The following NLN variants were observed in gnomAD, a reference collection of about 807,000 sequenced individuals.
The protein encoded by NLN is neurolysin, mitochondrial.
A neutral mutation model predicts 79.9 loss-of-function variants in NLN; 64 were observed. That is an observed-to-expected ratio of 0.80 (90% CI 0.65 to 0.99). NLN has a LOEUF of 0.99. NLN is among the 50% of genes least tolerant of loss of function. The pLI is 0.00. For missense variants in NLN, 835 were observed against 858.7 expected (o/e 0.97, Z 0.34); for synonymous variants, 267 against 296.6 (o/e 0.90, Z 1.02).
intron 9 of NLN, among the ~76,000 whole-genome samples, chr5:65,799,772 A>G (rs1760243753): frequency 6.6e-6 from 1 of 152,228 alleles, no homozygotes; most frequent in South Asian, 2.1e-4. Flanking sequence ...CTGTTGAACT[A>G]TAGGGCAGTT....
intron 7 of NLN, among the ~76,000 whole-genome samples, chr5:65,786,685 A>G (rs1759930664): frequency 6.6e-6 from 1 of 151,980 alleles, no homozygotes; most frequent in South Asian, 2.1e-4. Context: ...AGAGACCCCA[A>G]CCCTGTCTCT....
intron 1 of NLN, among the ~76,000 whole-genome samples, chr5:65,735,973 A>T (rs1758719670): frequency 6.6e-6 from 1 of 152,240 alleles, no homozygotes; most frequent in Non-Finnish European, 1.5e-5. Flanking sequence ...AATGTAATGC[A>T]TATACGTATA....
At chr5:65,791,300 A>T (rs1296894809) in intron 8 of NLN, among the ~76,000 whole-genome samples, 10 of 152,018 alleles carry the variant, frequency 6.6e-5, no homozygotes, top group African/African-American at 2.4e-4. Flanking sequence ...ACTCACACCT[A>T]TAGTCCCAGC....
At chr5:65,812,806 C>G (rs754857951) in intron 12 of NLN, among the ~76,000 whole-genome samples, 2 of 152,174 alleles carry the variant, frequency 1.3e-5, no homozygotes, top group African/African-American at 4.8e-5. Flanking sequence ...TGTGCACTTT[C>G]TGTGGGAGAC....
chr5:65,737,524 G>A (rs1477485539), intron 1 of NLN, among the ~76,000 whole-genome samples: 5 of 151,918 alleles, frequency 3.3e-5, no homozygotes, highest in Non-Finnish European at 7.4e-5. Context: ...ATTACATAAG[G>A]GATGCAAAAT....
Position 65,776,799 on chromosome 5 carries a change from A to G in NLN, c.451-628A>G, listed in dbSNP as rs573548710. ...GCATATAGATTCAAATTTACTGTCCAGCTTTCCTCCACTTTGTGCAGTGCT... is the reference window on the plus strand; with the variant it reads ...GCATATAGATTCAAATTTACTGTCCGGCTTTCCTCCACTTTGTGCAGTGCT... On this transcript the variant is annotated intron_variant, in intron 3 of 12. Transcript: ENST00000380985. Among the ~76,000 whole-genome samples the G allele has an allele frequency of 1.9e-3, 294 of 152,294 alleles. 3 individuals carry two copies. Among genetic ancestry groups the G allele is most frequent in the African/African-American group, 7.0e-3 (291 of 41,556 alleles).
At chr5:65,749,476 C>T (rs544002944) in intron 1 of NLN, among the ~76,000 whole-genome samples, 3 of 152,220 alleles carry the variant, frequency 2.0e-5, no homozygotes, top group South Asian at 2.1e-4. Flanking sequence ...ACCAGGAATC[C>T]AGGTTACAGT....
At chr5:65,778,293 C>G (rs983619119) in intron 4 of NLN, among the ~76,000 whole-genome samples, 1 of 152,146 alleles carries the variant, frequency 6.6e-6, no homozygotes, top group Non-Finnish European at 1.5e-5. Context: ...TAACCTTTTT[C>G]TTCTTGGAAA....
chr5:65,806,555 A>G (rs1255152161), intron 9 of NLN, among the ~76,000 whole-genome samples: 1 of 152,216 alleles, frequency 6.6e-6, no homozygotes, highest in East Asian at 1.9e-4. Flanking sequence ...TGAAGATGTG[A>G]CTGAATTGCT....
chr5:65,763,364 A>G (rs1015914226), intron 3 of NLN, among the ~76,000 whole-genome samples: 3 of 152,364 alleles, frequency 2.0e-5, no homozygotes, highest in East Asian at 1.9e-4. Context: ...TAATAACATT[A>G]TGAACTTGAT....
Position 65,823,852 on chromosome 5 carries a change from A to G in NLN, c.*937A>G, listed in dbSNP as rs938634101. The stretch of plus-strand genomic sequence containing the variant: ...AGCCATGGGAAGAGAGAGGAGGTGG[A>G]TGTGGAACATAAAGGGTTCAGAAAC... On this transcript the variant is annotated 3_prime_UTR_variant, in exon 13 of 13. Coordinates refer to ENST00000380985, the MANE Select transcript of NLN (RefSeq NM_020726.5). 3 of 152,248 alleles carry G rather than the reference A, an allele frequency of 2.0e-5. No homozygotes were observed. Among genetic ancestry groups the G allele is most frequent in the South Asian group, 2.1e-4 (1 of 4,828 alleles). 9.4% of individuals were successfully genotyped at this position (152,248 alleles called of 1,614,324 possible).
chr5:65,827,185 C>G lies in NLN; in HGVS notation c.*4270C>G, dbSNP rs910864835. ...TGAAAAATTGAGGTAATGTACACAG[C>G]GATGCACACACCCCCACACCACACC... On this transcript the variant is annotated 3_prime_UTR_variant, in exon 13 of 13. Transcript: ENST00000380985. 6.6e-6 allele frequency: 1 copy of G among 152,022 alleles called. No homozygotes were observed. The highest frequency in any genetic ancestry group is 1.5e-5 in the Non-Finnish European group (1 of 67,988). The allele number at this position is 152,022 out of a possible 1,614,324, so 9.4% of individuals were successfully genotyped here. A position where few individuals can be genotyped will look rare whatever the true frequency, so the allele number is the denominator to read the frequency against.
chr5:65,819,236 T>C (rs1329656574), intron 12 of NLN, among the ~76,000 whole-genome samples: 2 of 151,842 alleles, frequency 1.3e-5, no homozygotes, highest in African/African-American at 4.8e-5. Context: ...GCTGGGGCAG[T>C]GTGAAAGGAA....
chr5:65,733,918 G>A (rs1248734588), intron 1 of NLN, among the ~76,000 whole-genome samples: 6 of 126,936 alleles, frequency 4.7e-5, no homozygotes, highest in Non-Finnish European at 8.4e-5. Context: ...TTTTTTTTGA[G>A]ACGGAGTCTC....
At chr5:65,750,729 G>C (rs770544143) in intron 1 of NLN, among the ~76,000 whole-genome samples, 18 of 151,032 alleles carry the variant, frequency 1.2e-4, no homozygotes, top group Non-Finnish European at 2.4e-4. Flanking sequence ...AAAAAGTAAA[G>C]AGAAAGAGAG....
At chr5:65,794,609 G>GA (rs369436269) in intron 9 of NLN, among the ~76,000 whole-genome samples, 1,678 of 148,044 alleles carry the variant, frequency 0.011, 28 homozygotes, top group African/African-American at 0.039. Context: ...GGTCTCAAAA[G>GA]AAAAAAAAAA....
intron 1 of NLN, among the ~76,000 whole-genome samples, chr5:65,736,181 A>C (rs577448664): frequency 3.9e-5 from 6 of 152,326 alleles, no homozygotes; most frequent in African/African-American, 1.2e-4. Flanking sequence ...GCTTTTCTTT[A>C]TAAACATTAC....
At chr5:65,805,326 G>T (rs1207476290) in intron 9 of NLN, among the ~76,000 whole-genome samples, 1 of 152,190 alleles carries the variant, frequency 6.6e-6, no homozygotes, top group African/African-American at 2.4e-5. Flanking sequence ...CTTCACGAGG[G>T]AGGCATGTCA....
At chr5:65,780,920 C>T (rs1359046599) in intron 5 of NLN, among the ~76,000 whole-genome samples, 4 of 152,206 alleles carry the variant, frequency 2.6e-5, no homozygotes, top group Middle Eastern at 3.2e-3. Context: ...GATCCACCCA[C>T]TTCAGCCTCC....
Sources: gnomAD v4.1 joint callset for allele counts (sites outside exome capture counted in the v4.1 genomes callset) on GRCh38, gnomAD v4.1.1 for gene constraint, MANE v1.5 for transcripts, NCBI Gene and HGNC (gene_info 2026-07-23, HGNC 2026-07-21) for gene names.